The following DCC variants were observed in gnomAD, a reference collection of about 807,000 sequenced individuals.
DCC encodes the protein netrin receptor DCC.
In DCC, 58 loss-of-function variants were observed where a neutral mutation model predicts 172.5. The observed-to-expected ratio is 0.34, with a 90% CI of 0.27 to 0.42. The LOEUF (loss-of-function observed/expected upper bound fraction) is 0.42, where lower values mean the gene tolerates loss of function less well. Among genes scored for constraint, DCC ranks in the 10% least tolerant of loss-of-function variants. The probability of loss-of-function intolerance (pLI) is 1.00; values close to 1 mark genes in which losing one functional copy is unlikely to be tolerated. For missense variants in DCC, 1,740 were observed against 1,791.0 expected (o/e 0.97, Z 0.51); for synonymous variants, 709 against 644.5 (o/e 1.10, Z -1.52).
chr18:52,954,978 T>C (rs1324925402), intron 5 of DCC, among the ~76,000 whole-genome samples: 1 of 152,134 alleles, frequency 6.6e-6, no homozygotes, highest in Non-Finnish European at 1.5e-5. Context: ...TTTTCATACA[T>C]GCACATCCTT....
chr18:52,603,112 G>A (rs565255047), intron 1 of DCC, among the ~76,000 whole-genome samples: 3 of 152,038 alleles, frequency 2.0e-5, no homozygotes, highest in Non-Finnish European at 4.4e-5. Flanking sequence ...CCTTTATAGT[G>A]TAATTTCAAG....
At chr18:52,535,737 T>A (rs987340025) in intron 1 of DCC, among the ~76,000 whole-genome samples, 21 of 152,292 alleles carry the variant, frequency 1.4e-4, no homozygotes, top group African/African-American at 5.1e-4. Flanking sequence ...AATAATATAT[T>A]CTGAGAAAAC....
chr18:53,451,875 G>T (rs1415634177), intron 23 of DCC, among the ~76,000 whole-genome samples: 2 of 152,210 alleles, frequency 1.3e-5, no homozygotes, highest in African/African-American at 4.8e-5. Context: ...AGTAACATGG[G>T]GTGTAGATGC....
intron 1 of DCC, among the ~76,000 whole-genome samples, chr18:52,638,464 G>T (rs74733712): frequency 6.6e-6 from 1 of 151,890 alleles, no homozygotes; most frequent in African/African-American, 2.4e-5. Flanking sequence ...AGCACATAAG[G>T]ACTCACATAA....
intron 5 of DCC, among the ~76,000 whole-genome samples, chr18:52,970,915 A>G (rs141269248): frequency 6.6e-5 from 10 of 152,314 alleles, no homozygotes; most frequent in Admixed American, 2.0e-4. Context: ...CAGCATCTTC[A>G]TAACTCTGGC....
At chr18:52,543,418 C>T (rs1231155432) in intron 1 of DCC, among the ~76,000 whole-genome samples, 2 of 152,162 alleles carry the variant, frequency 1.3e-5, no homozygotes, top group African/African-American at 4.8e-5. Flanking sequence ...TCCTCCATAG[C>T]TACTTGTGTC....
intron 2 of DCC, among the ~76,000 whole-genome samples, chr18:52,879,569 T>A (rs933208500): frequency 4.0e-5 from 6 of 151,866 alleles, no homozygotes; most frequent in Non-Finnish European, 8.8e-5. Flanking sequence ...AGAGCTGGTA[T>A]TACAAGCATG....
At chr18:52,951,292 A>G (rs1441756774) in intron 5 of DCC, among the ~76,000 whole-genome samples, 1 of 152,124 alleles carries the variant, frequency 6.6e-6, no homozygotes, top group Non-Finnish European at 1.5e-5. Flanking sequence ...TAACTTTAAA[A>G]TCTGGAATGC....
intron 1 of DCC, among the ~76,000 whole-genome samples, chr18:52,694,557 A>AT (rs774263379): frequency 7.5e-4 from 114 of 151,970 alleles, no homozygotes; most frequent in Admixed American, 2.0e-3. Flanking sequence ...TTTCTAATTT[A>AT]TTTTATATTT....
At chr18:52,989,542 C>G (rs547581272) in intron 5 of DCC, among the ~76,000 whole-genome samples, 5 of 152,056 alleles carry the variant, frequency 3.3e-5, no homozygotes, top group Non-Finnish European at 7.4e-5. Flanking sequence ...AAAATTGTTT[C>G]CTTGCTGTGA....
At chr18:53,180,902 C>G (rs1006686043) in intron 9 of DCC, among the ~76,000 whole-genome samples, 1 of 152,086 alleles carries the variant, frequency 6.6e-6, no homozygotes, top group Non-Finnish European at 1.5e-5. Flanking sequence ...CAGGAGCCAT[C>G]GCGCCCAGCC....
intron 2 of DCC, among the ~76,000 whole-genome samples, chr18:52,763,915 G>T (rs2037202005): frequency 6.6e-6 from 1 of 152,064 alleles, no homozygotes; most frequent in Non-Finnish European, 1.5e-5. Context: ...TTTAATTCCT[G>T]CATAATATTT....
At chr18:52,540,592 A>G (rs547029627) in intron 1 of DCC, among the ~76,000 whole-genome samples, 64 of 125,750 alleles carry the variant, frequency 5.1e-4, no homozygotes, top group Non-Finnish European at 9.1e-4. Flanking sequence ...GGTGTATTCA[A>G]CTGCCTTTTT....
At chr18:53,094,473 C>T (rs2144193302) in intron 7 of DCC, among the ~76,000 whole-genome samples, 1 of 152,278 alleles carries the variant, frequency 6.6e-6, no homozygotes, top group African/African-American at 2.4e-5. Context: ...ATTCTTGTTT[C>T]ATATTGTTTT....
intron 24 of DCC, among the ~76,000 whole-genome samples, chr18:53,464,979 C>CAAAAAAAAAAAAAAAAAAAA (rs71179510): frequency 3.6e-5 from 2 of 54,832 alleles, no homozygotes; most frequent in Non-Finnish European, 7.6e-5. Context: ...AACTCAATCT[C>CAAAAAAAAAAAAAAAAAAAA]AAAAAAAAAA....
chr18:52,843,837 A>T (rs2038844119), intron 2 of DCC, among the ~76,000 whole-genome samples: 1 of 152,168 alleles, frequency 6.6e-6, no homozygotes, highest in African/African-American at 2.4e-5. Flanking sequence ...CTATTATTTG[A>T]GGACTAGCAC....
intron 27 of DCC, among the ~76,000 whole-genome samples, chr18:53,522,795 C>G (rs1484083712): frequency 2.6e-5 from 4 of 152,210 alleles, no homozygotes; most frequent in Non-Finnish European, 4.4e-5. Flanking sequence ...AATGTAAGAC[C>G]TAAAACCATA....
chr18:52,564,989 A>G (rs1423470981), intron 1 of DCC, among the ~76,000 whole-genome samples: 1 of 152,084 alleles, frequency 6.6e-6, no homozygotes, highest in East Asian at 1.9e-4. Context: ...GCATGTTGAA[A>G]TTAGAGGGAA....
At chr18:53,103,396 T>C (rs948883607) in intron 7 of DCC, among the ~76,000 whole-genome samples, 1 of 152,010 alleles carries the variant, frequency 6.6e-6, no homozygotes, top group Non-Finnish European at 1.5e-5. Context: ...TTTTAAGTTT[T>C]ATTTTTTTCT....
Sources: allele counts gnomAD v4.1 joint callset (sites outside exome capture counted in the v4.1 genomes callset), GRCh38; gene constraint gnomAD v4.1.1; transcripts MANE v1.5; gene names NCBI Gene and HGNC (gene_info 2026-07-23, HGNC 2026-07-21).